Variants in PIR observed in about 807,000 individuals in gnomAD.
The protein encoded by PIR is pirin (iron-binding nuclear protein).
A neutral mutation model predicts 24.2 loss-of-function variants in PIR; 22 were observed. That is an observed-to-expected ratio of 0.91 (90% CI 0.65 to 1.30). The LOEUF is 1.30. PIR is among the 50% of genes most tolerant of loss of function. The probability of loss-of-function intolerance (pLI) is 0.00; values close to 1 mark genes in which losing one functional copy is unlikely to be tolerated. For synonymous variants in PIR, 80 were observed against 79.6 expected (o/e 1.00, Z -0.03); for missense variants, 220 against 220.3 (o/e 1.00, Z 0.01).
Position 15,384,813 on chromosome X carries a change from A to G in PIR, c.*191T>C. ...AAAAACACTGATTTTTAAAGAAACA[A>G]TGATTAGGTTTATTTGCATGTGCCA... On this transcript the variant is annotated 3_prime_UTR_variant, in exon 10 of 10. Transcript: ENST00000380420. The G allele has an allele frequency of 3.5e-6, 1 of 286,205 alleles. No individual in the cohort carries two copies. The highest frequency in any genetic ancestry group is 6.2e-6 in the Non-Finnish European group (1 of 162,502). The allele number at this position is 286,205 out of a possible 1,213,427, so 23.6% of individuals were successfully genotyped here.
intron 3 of PIR, among the ~76,000 whole-genome samples, chrX:15,469,598 C>T: frequency 9.0e-6 from 1 of 111,432 alleles, no homozygotes; most frequent in East Asian, 2.8e-4. Flanking sequence ...GAGGAATCCT[C>T]CCAGGTGGGT....
rs955424390 is a variant in PIR at position 15,483,174 on chromosome X, T to TATATATATATATATATAG, written c.97-3354_97-3353insCTATATATATATATATAT. On this transcript the variant is annotated intron_variant, in intron 2 of 9. Transcript: ENST00000380420. ...AACATATACATTATACATATATATA[T>TATATATATATATATATAG]AAATTCAACAAGCTACTGCAAGTTT... Among the ~76,000 whole-genome samples the TATATATATATATATATAG allele has an allele frequency of 7.7e-3, 756 of 98,724 alleles. 26 individuals are homozygous for TATATATATATATATATAG. In the East Asian group the frequency reaches 0.086, roughly 11 times the overall value. 85.7% of individuals were successfully genotyped at this position (98,724 alleles called of 115,157 possible).
intron 3 of PIR, among the ~76,000 whole-genome samples, chrX:15,478,189 A>T (rs1029953409): frequency 9.0e-6 from 1 of 111,631 alleles, no homozygotes; most frequent in East Asian, 2.8e-4. Flanking sequence ...GCAATTTATG[A>T]TCCTCTTGGG....
intron 5 of PIR, among the ~76,000 whole-genome samples, chrX:15,455,049 T>C (rs1921029104): frequency 8.9e-6 from 1 of 112,168 alleles, no homozygotes; most frequent in Admixed American, 9.4e-5. Flanking sequence ...CCTTTTACTG[T>C]TCTCCTAGGA....
At chrX:15,466,235 C>T (rs1921587347) in intron 3 of PIR, among the ~76,000 whole-genome samples, 1 of 111,413 alleles carries the variant, frequency 9.0e-6, no homozygotes, top group African/African-American at 3.3e-5. Flanking sequence ...GAAAATCACC[C>T]AATTGACTAA....
At position 15,397,338 on chromosome X, in the gene PIR, C is replaced by G. The variant is rs1366814157; in HGVS notation, c.693+111G>C. 5.6e-6 allele frequency: 3 copies of G among 534,626 alleles called. No homozygotes were observed. The East Asian group carries it at 1.0e-4, about 18-fold the overall frequency. 44.1% of individuals were successfully genotyped at this position (534,626 alleles called of 1,213,427 possible). ...ACATGATAAACTTCTGGTATAATTT[C>G]TTCTCCAAGGAAGAGAGAAAAACTT... On this transcript the variant is annotated intron_variant, in intron 8 of 9. Transcript: ENST00000380420.
chrX:15,398,102 TG>T (rs79054792), intron 7 of PIR, among the ~76,000 whole-genome samples: 2 of 102,098 alleles, frequency 2.0e-5, no homozygotes, highest in African/African-American at 7.0e-5. Context: ...GACCCTTGGG[TG>T]GGGGTAGGGG....
At chrX:15,489,519 G>A (rs1455724039) in intron 2 of PIR, among the ~76,000 whole-genome samples, 1 of 111,713 alleles carries the variant, frequency 9.0e-6, no homozygotes, top group Non-Finnish European at 1.9e-5. Flanking sequence ...TTAGTAACAG[G>A]TGTGTTTGGG....
At chrX:15,468,244 A>G (rs909816801) in intron 3 of PIR, among the ~76,000 whole-genome samples, 5 of 112,559 alleles carry the variant, frequency 4.4e-5, no homozygotes, top group African/African-American at 1.6e-4. Context: ...CAACAGATCC[A>G]CTGATTACTA....
chrX:15,420,681 G>A (rs984651018), intron 6 of PIR, among the ~76,000 whole-genome samples: 1 of 111,200 alleles, frequency 9.0e-6, no homozygotes, highest in Admixed American at 9.6e-5. Context: ...GAATATCACT[G>A]TTAAAAGGAG....
At chrX:15,425,504 C>T (rs754035621) in intron 6 of PIR, among the ~76,000 whole-genome samples, 2 of 108,034 alleles carry the variant, frequency 1.9e-5, no homozygotes, top group South Asian at 4.2e-4. Flanking sequence ...CTCCGCCTCC[C>T]GGGTTCAAGT....
intron 3 of PIR, among the ~76,000 whole-genome samples, chrX:15,477,612 A>T: frequency 8.9e-6 from 1 of 112,175 alleles, no homozygotes; most frequent in South Asian, 3.7e-4. Flanking sequence ...ACTTAGGAAC[A>T]CTAGACAGCA....
chrX:15,479,492 A>G lies in PIR; in HGVS notation c.189+237T>C, dbSNP rs771362735. Among the ~76,000 whole-genome samples the G allele has an allele frequency of 3.6e-5, 4 of 111,649 alleles. No homozygotes were observed. In the East Asian group the frequency reaches 1.1e-3, roughly 31 times the overall value. ...CCCAATGAATTATTTTAATTACAAA[A>G]ATATTTTAATAAGCCAACTTATTAA... On this transcript the variant is annotated intron_variant, in intron 3 of 9. Transcript: ENST00000380420.
intron 6 of PIR, 26 bp from the exon 7 acceptor site, chrX:15,407,576 T>A: frequency 1.8e-6 from 2 of 1,121,687 alleles, no homozygotes; most frequent in African/African-American, 1.8e-5. Flanking sequence ...AACATTAACA[T>A]GTTAGTGTCC....
intron 6 of PIR, among the ~76,000 whole-genome samples, chrX:15,419,064 A>T (rs1266241958): frequency 1.8e-5 from 2 of 111,035 alleles, no homozygotes; most frequent in African/African-American, 6.6e-5. Flanking sequence ...AAAGCACCCA[A>T]ATAAAAAGAA....
chrX:15,463,920 G>C (rs1027395330), intron 3 of PIR, among the ~76,000 whole-genome samples: 1 of 111,854 alleles, frequency 8.9e-6, no homozygotes, highest in African/African-American at 3.3e-5. Flanking sequence ...TTAAATCTAA[G>C]GAAACAAAAA....
At chrX:15,424,688 T>C (rs148152700) in intron 6 of PIR, among the ~76,000 whole-genome samples, 4,807 of 112,131 alleles carry the variant, frequency 0.043, 265 homozygotes, top group African/African-American at 0.15. Context: ...ATCTATTGTG[T>C]TAATTAAAAA....
chrX:15,457,644 C>A (rs905603561), intron 4 of PIR, among the ~76,000 whole-genome samples: 2 of 111,626 alleles, frequency 1.8e-5, no homozygotes, highest in Non-Finnish European at 3.8e-5. Context: ...AGAGAAACAA[C>A]AGCATGTGAA....
At chrX:15,395,154 C>T (rs1924086749) in intron 8 of PIR, among the ~76,000 whole-genome samples, 1 of 111,841 alleles carries the variant, frequency 8.9e-6, no homozygotes, top group African/African-American at 3.2e-5. Flanking sequence ...ATAACACTGG[C>T]TTGGAGCGTG....
Sources: gnomAD v4.1 joint callset for allele counts (sites outside exome capture counted in the v4.1 genomes callset) on GRCh38, gnomAD v4.1.1 for gene constraint, MANE v1.5 for transcripts, NCBI Gene and HGNC (gene_info 2026-07-23, HGNC 2026-07-21) for gene names.